C2orf15: variants seen among roughly 807,000 people sequenced by gnomAD.
C2orf15 encodes chromosome 2 open reading frame 15.
C2orf15 carries 3 observed loss-of-function variants against 4.4 expected under a neutral mutation model. That is an observed-to-expected ratio of 0.67 (90% CI 0.31 to 1.74). C2orf15 has a LOEUF of 1.74. Among genes scored for constraint, C2orf15 ranks in the 40% most tolerant of loss-of-function variants. The pLI is 0.09. For missense variants in C2orf15, 90 were observed against 103.3 expected, an observed-to-expected ratio of 0.87 and a Z score of 0.56; for synonymous variants, 37 against 36.8, an observed-to-expected ratio of 1.00 and a Z score of -0.02.
intron 2 of C2orf15, among the ~76,000 whole-genome samples, chr2:99,144,928 G>A (rs188674540): frequency 7.9e-5 from 12 of 152,280 alleles, no homozygotes; most frequent in Admixed American, 2.6e-4. Context: ...AAAGAGACAG[G>A]AGAGAGTGCT....
At chr2:99,146,897 G>C (rs1277898978) in intron 2 of C2orf15, 1 of 152,314 alleles carries the variant, frequency 6.6e-6, no homozygotes, top group East Asian at 1.9e-4. Context: ...AAAGGGCTAG[G>C]ATTACAGGCG....
At chr2:99,145,468 G>C (rs1415196686) in intron 2 of C2orf15, among the ~76,000 whole-genome samples, 4 of 151,428 alleles carry the variant, frequency 2.6e-5, no homozygotes, top group African/African-American at 4.9e-5. Context: ...TGAGGCACGA[G>C]AATCACTTGA....
At chr2:99,147,956 T>C (rs1352482663) in intron 3 of C2orf15, among the ~76,000 whole-genome samples, 1 of 152,188 alleles carries the variant, frequency 6.6e-6, no homozygotes, top group Admixed American at 6.5e-5. Context: ...TGATCCAATA[T>C]TATTATCTAA....
In C2orf15 at chr2:99,151,144, ATTTC is replaced by A. The variant is rs1448262533; in HGVS notation, c.*314_*317del. 1 of 201,550 alleles carries A rather than the reference ATTTC, an allele frequency of 5.0e-6. No individual in the cohort carries two copies. The highest frequency in any genetic ancestry group is 1.1e-4 in the East Asian group (1 of 8,720). 12.5% of individuals were successfully genotyped at this position (201,550 alleles called of 1,614,324 possible). A position where few individuals can be genotyped will look rare whatever the true frequency, so the allele number is the denominator to read the frequency against. On this transcript the variant is annotated 3_prime_UTR_variant, in exon 4 of 4. Coordinates refer to ENST00000650052, the MANE Select transcript of C2orf15 (RefSeq NM_144706.4). The stretch of plus-strand genomic sequence containing the variant: ...CATCAAAACATTTTCATTTTAATGT[ATTTC>A]TTTAACAAGTGGTTAAAAAAAGTGT...
At chr2:99,142,660 A>AT (rs2093582069) in intron 2 of C2orf15, among the ~76,000 whole-genome samples, 1 of 152,244 alleles carries the variant, frequency 6.6e-6, no homozygotes, top group African/African-American at 2.4e-5. Flanking sequence ...CAAGGAGCAC[A>AT]TATCCTCGGA....
intron 1 of C2orf15, 113 bp from the exon 2 acceptor site, chr2:99,142,172 A>C (rs1370209168): frequency 6.6e-6 from 1 of 152,282 alleles, no homozygotes; most frequent in Non-Finnish European, 1.5e-5. Context: ...TTTGGAGCCC[A>C]GAATGGGGGG....
chr2:99,142,412 A>G lies in C2orf15; in HGVS notation c.-169+11A>G, dbSNP rs2093576962. On this transcript the variant is annotated intron_variant, in intron 2 of 3. Coordinates refer to ENST00000650052, the MANE Select transcript of C2orf15 (RefSeq NM_144706.4). Reference sequence around the variant, plus strand: ...TCCTGTTTTCGCCAGGTGAGTACTCATTTTTCCCCCCACAAGATATCATTG... The same window carrying G: ...TCCTGTTTTCGCCAGGTGAGTACTCGTTTTTCCCCCCACAAGATATCATTG... The G allele has an allele frequency of 2.0e-5, 3 of 152,224 alleles. No homozygotes were observed. The highest frequency in any genetic ancestry group is 7.2e-5 in the African/African-American group (3 of 41,528). 9.4% of individuals were successfully genotyped at this position (152,224 alleles called of 1,614,324 possible).
At chr2:99,149,175 A>AT (rs1196209670) in intron 3 of C2orf15, among the ~76,000 whole-genome samples, 3 of 151,096 alleles carry the variant, frequency 2.0e-5, no homozygotes, top group East Asian at 3.9e-4. Flanking sequence ...ATCTCAAAAA[A>AT]AAAAAAAAAA....
intron 2 of C2orf15, among the ~76,000 whole-genome samples, chr2:99,145,845 G>T (rs1331250766): frequency 2.6e-5 from 4 of 152,148 alleles, no homozygotes; most frequent in African/African-American, 7.2e-5. Context: ...TGTTATAAAA[G>T]GTTCAAACCA....
At chr2:99,144,772 T>C (rs1189994404) in intron 2 of C2orf15, among the ~76,000 whole-genome samples, 1 of 150,380 alleles carries the variant, frequency 6.6e-6, no homozygotes, top group Non-Finnish European at 1.5e-5. Flanking sequence ...TGTCACTAAC[T>C]ATCCTCAAGG....
chr2:99,144,716 A>G (rs1457295654), intron 2 of C2orf15, among the ~76,000 whole-genome samples: 1 of 148,128 alleles, frequency 6.8e-6, no homozygotes, highest in Non-Finnish European at 1.5e-5. Flanking sequence ...TTACTCCATC[A>G]TGACTAGCAG....
chr2:99,146,118 A>G (rs1312988554), intron 2 of C2orf15, among the ~76,000 whole-genome samples: 1 of 152,114 alleles, frequency 6.6e-6, no homozygotes, highest in Non-Finnish European at 1.5e-5. Context: ...CATCGTCTCT[A>G]CTAAAAATAC....
chr2:99,150,245 A>G (rs1469296921), intron 3 of C2orf15, among the ~76,000 whole-genome samples: 1 of 152,254 alleles, frequency 6.6e-6, no homozygotes, highest in Non-Finnish European at 1.5e-5. Context: ...GAGAAGCTCT[A>G]CTATTTTCTG....
chr2:99,143,448 T>G (rs962425600), intron 2 of C2orf15, among the ~76,000 whole-genome samples: 3 of 150,726 alleles, frequency 2.0e-5, no homozygotes, highest in African/African-American at 4.9e-5. Context: ...TGTGAGCCAC[T>G]GCGCCCAGAC....
In C2orf15 at chr2:99,150,492, TGAA is replaced by T. The variant is rs1431259920; in HGVS notation, c.-63_-61del. The T allele has an allele frequency of 6.5e-7, 1 of 1,535,628 alleles. No individual in the cohort carries two copies. The highest frequency in any genetic ancestry group is 1.2e-5 in the South Asian group (1 of 81,078). On this transcript the variant is annotated 5_prime_UTR_variant, in exon 4 of 4. Coordinates refer to ENST00000650052, the MANE Select transcript of C2orf15 (RefSeq NM_144706.4). Reference sequence around the variant, plus strand: ...TTTTTTTTTTTTTCAGTAATCAAGTTGAAGAAACACTTCCACTACTTAAAAAGG... The same window carrying T: ...TTTTTTTTTTTTTCAGTAATCAAGTTGAAACACTTCCACTACTTAAAAAGG...
chr2:99,149,075 G>A (rs188718974), intron 3 of C2orf15, among the ~76,000 whole-genome samples: 145 of 151,762 alleles, frequency 9.6e-4, no homozygotes, highest in African/African-American at 3.5e-3. Flanking sequence ...GGAGGCTGAG[G>A]CAGGAAAATC....
At chr2:99,147,320 C>G (rs1169986835) in intron 2 of C2orf15, 82 bp from the exon 3 acceptor site, 14 of 769,352 alleles carry the variant, frequency 1.8e-5, no homozygotes, top group Middle Eastern at 3.4e-4. Context: ...ATCTTAATAT[C>G]TAGTAAAGAA....
At position 99,147,303 on chromosome 2, in the gene C2orf15, G is replaced by A. The variant is rs193266567; in HGVS notation, c.-168-99G>A. ...GGCGTGAGCCATTGTGCCCAGCCGC[G>A]TAGCCTATCTTAATATCTAGTAAAG... On this transcript the variant is annotated intron_variant, in intron 2 of 3. Transcript: ENST00000650052. 2.2e-4 allele frequency: 138 copies of A among 638,684 alleles called. No homozygotes were observed. The African/African-American group carries it at 2.2e-3, about 10-fold the overall frequency. The allele number at this position is 638,684 out of a possible 1,614,324, so 39.6% of individuals were successfully genotyped here.
chr2:99,143,133 C>CTTTTTT (rs10605521), intron 2 of C2orf15, among the ~76,000 whole-genome samples: 3 of 82,154 alleles, frequency 3.7e-5, no homozygotes, highest in Non-Finnish European at 6.9e-5. Flanking sequence ...CCAACTAAAC[C>CTTTTTT]TTTTTTTTTT....
Sources: allele counts gnomAD v4.1 joint callset (sites outside exome capture counted in the v4.1 genomes callset), GRCh38; gene constraint gnomAD v4.1.1; transcripts MANE v1.5; gene names NCBI Gene and HGNC (gene_info 2026-07-23, HGNC 2026-07-21).